Variants in ANKIB1 observed in about 807,000 individuals in gnomAD.
The protein encoded by ANKIB1 is ankyrin repeat and IBR domain-containing protein 1.
A neutral mutation model predicts 122.1 loss-of-function variants in ANKIB1; 43 were observed. The ratio of observed to expected loss-of-function variants is 0.35; its 90% CI spans 0.28 to 0.45. The LOEUF (loss-of-function observed/expected upper bound fraction) is 0.45, where lower values mean the gene tolerates loss of function less well. ANKIB1 is among the 20% of genes least tolerant of loss of function. The pLI, the probability that ANKIB1 is intolerant of heterozygous loss-of-function variation, is 1.00. For synonymous variants in ANKIB1, 390 were observed against 442.0 expected (o/e 0.88, Z 1.48); for missense variants, 992 against 1,329.5 (o/e 0.75, Z 3.95).
chr7:92,355,930 G>A (rs1452953125), intron 9 of ANKIB1, among the ~76,000 whole-genome samples: 2 of 151,384 alleles, frequency 1.3e-5, no homozygotes, highest in Non-Finnish European at 2.9e-5. Context: ...CCTAGCGGTT[G>A]AGCATTTATT....
chr7:92,252,386 C>CTTTTTTT (rs34891046), intron 1 of ANKIB1, among the ~76,000 whole-genome samples: 1 of 134,194 alleles, frequency 7.5e-6, no homozygotes, highest in African/African-American at 2.8e-5. Context: ...TAAGGTACTA[C>CTTTTTTT]TTTTTTTTTT....
chr7:92,290,370 A>AGTGT (rs34404682), intron 1 of ANKIB1, among the ~76,000 whole-genome samples: 9,789 of 141,306 alleles, frequency 0.069, 385 homozygotes, highest in African/African-American at 0.11. Context: ...TATGTATGAA[A>AGTGT]GTGTGTGTGT....
chr7:92,277,494 T>C (rs1801928665), intron 1 of ANKIB1, among the ~76,000 whole-genome samples: 1 of 152,160 alleles, frequency 6.6e-6, no homozygotes, highest in East Asian at 1.9e-4. Context: ...ACTCTTACCA[T>C]TGGGTCTCCT....
At chr7:92,314,741 A>C (rs1311024676) in intron 3 of ANKIB1, among the ~76,000 whole-genome samples, 2 of 152,254 alleles carry the variant, frequency 1.3e-5, no homozygotes, top group Admixed American at 6.5e-5. Flanking sequence ...CTAGAACAGT[A>C]GTTCTAAGCA....
chr7:92,397,899 C>G (rs1303268375), intron 19 of ANKIB1, 40 bp downstream of exon 19: 1 of 1,579,600 alleles, frequency 6.3e-7, no homozygotes, highest in Non-Finnish European at 8.5e-7. Context: ...TGCTTTTACT[C>G]TTTCTCTGCT....
intron 11 of ANKIB1, among the ~76,000 whole-genome samples, chr7:92,374,438 A>G (rs2115651284): frequency 1.3e-5 from 2 of 152,338 alleles, no homozygotes; most frequent in Admixed American, 1.3e-4. Flanking sequence ...AGATTGTGCC[A>G]TTGCACTCCA....
chr7:92,293,612 C>A (rs1251335562), intron 1 of ANKIB1, among the ~76,000 whole-genome samples: 1 of 152,174 alleles, frequency 6.6e-6, no homozygotes, highest in African/African-American at 2.4e-5. Context: ...TACATTGTCA[C>A]AATAATTTTC....
chr7:92,360,152 T>G (rs1803910453), intron 9 of ANKIB1, among the ~76,000 whole-genome samples: 1 of 152,098 alleles, frequency 6.6e-6, no homozygotes. Context: ...CTATAACATT[T>G]CATAACCACT....
chr7:92,253,187 C>T (rs757178637), intron 1 of ANKIB1, among the ~76,000 whole-genome samples: 74 of 152,300 alleles, frequency 4.9e-4, no homozygotes, highest in Non-Finnish European at 9.8e-4. Context: ...AGCTTTCTCC[C>T]TTGAAATGTT....
At chr7:92,290,422 GA>G (rs1261520136) in intron 1 of ANKIB1, among the ~76,000 whole-genome samples, 2 of 150,790 alleles carry the variant, frequency 1.3e-5, no homozygotes, top group Non-Finnish European at 2.9e-5. Context: ...CCTGCTGCCT[GA>G]ATGAACTTTC....
Position 92,396,918 on chromosome 7 carries a change from C to T in ANKIB1, c.2395+442C>T, listed in dbSNP as rs562027765. 3.9e-5 allele frequency among the ~76,000 whole-genome samples: 6 copies of T among 152,130 alleles called. No individual in the cohort carries two copies. The East Asian group carries it at 9.7e-4, about 24-fold the overall frequency. Reference sequence around the variant, plus strand: ...CTCCTAGCCTTAGTTGTCCTGTAGACATTATTTAAAAGAGAGAGAATTTCT... The same window carrying T: ...CTCCTAGCCTTAGTTGTCCTGTAGATATTATTTAAAAGAGAGAGAATTTCT... On this transcript the variant is annotated intron_variant, in intron 18 of 19. Coordinates refer to ENST00000265742, the MANE Select transcript of ANKIB1 (RefSeq NM_019004.2).
At chr7:92,249,442 C>T (rs1324734105) in intron 1 of ANKIB1, among the ~76,000 whole-genome samples, 3 of 152,084 alleles carry the variant, frequency 2.0e-5, no homozygotes, top group Admixed American at 6.6e-5. Context: ...AATAAGCGGC[C>T]GGGTGCTGTG....
At chr7:92,352,230 T>C (rs1020393071) in intron 8 of ANKIB1, among the ~76,000 whole-genome samples, 1 of 152,236 alleles carries the variant, frequency 6.6e-6, no homozygotes, top group African/African-American at 2.4e-5. Context: ...TTACATGGTT[T>C]TTAGATTAAA....
intron 11 of ANKIB1, among the ~76,000 whole-genome samples, chr7:92,384,470 A>G (rs994607127): frequency 2.6e-5 from 4 of 152,214 alleles, no homozygotes; most frequent in African/African-American, 9.6e-5. Context: ...GCATCACACT[A>G]CCTGACTTCA....
chr7:92,254,428 A>G (rs1407971013), intron 1 of ANKIB1, among the ~76,000 whole-genome samples: 1 of 152,204 alleles, frequency 6.6e-6, no homozygotes, highest in Non-Finnish European at 1.5e-5. Flanking sequence ...TTTTTCAGAA[A>G]TATTGACACA....
At position 92,350,972 on chromosome 7, in the gene ANKIB1, G is replaced by A; in HGVS notation, c.1108G>A (p.Glu370Lys). 1 of 1,606,234 alleles carries A rather than the reference G, an allele frequency of 6.2e-7. No homozygotes were observed. Among genetic ancestry groups the A allele is most frequent in the Non-Finnish European group, 8.5e-7 (1 of 1,176,688 alleles). ...TAGGTTTTTGAATCTGAAAATTCAA[G>A]AAGGTGAAGCTCACAACATTTTTTG... ...WESFLNLKIQEGEAHNIFCPA... is the reference protein window; with the variant it reads ...WESFLNLKIQKGEAHNIFCPA... The change falls in exon 8 of 20, where the codon GAA becomes AAA. Residue 370 changes from glutamate (E) to lysine (K), a missense_variant. This residue lies in a region of ANKIB1 where 521 missense variants were observed against 777.7 expected (regional missense o/e 0.67). Coordinates refer to ENST00000265742, the MANE Select transcript of ANKIB1 (RefSeq NM_019004.2).
chr7:92,294,056 A>G (rs1474874798), intron 1 of ANKIB1, among the ~76,000 whole-genome samples: 2 of 152,178 alleles, frequency 1.3e-5, no homozygotes, highest in Non-Finnish European at 2.9e-5. Context: ...TTAAAATTAC[A>G]TAACTAGTTG....
intron 7 of ANKIB1, among the ~76,000 whole-genome samples, chr7:92,348,504 A>G (rs369433308): frequency 1.2e-3 from 181 of 150,748 alleles, no homozygotes; most frequent in African/African-American, 4.2e-3. Context: ...TCCTGCCTCA[A>G]CCTCCTGAGG....
intron 3 of ANKIB1, among the ~76,000 whole-genome samples, chr7:92,315,573 A>C (rs1377939925): frequency 6.6e-6 from 1 of 152,178 alleles, no homozygotes; most frequent in Non-Finnish European, 1.5e-5. Context: ...GGGAAACACA[A>C]AAAATAGAGA....
Sources: gnomAD v4.1 joint callset for allele counts (sites outside exome capture counted in the v4.1 genomes callset) on GRCh38, gnomAD v4.1.1 for gene constraint, gnomAD v4.1.1 regional missense constraint, MANE v1.5 for transcripts, NCBI Gene and HGNC (gene_info 2026-07-23, HGNC 2026-07-21) for gene names.